The following NUCKS1 variants were observed in gnomAD, a reference collection of about 807,000 sequenced individuals.
The protein encoded by NUCKS1 is nuclear casein kinase and cyclin dependent kinase substrate 1.
NUCKS1 carries 2 observed loss-of-function variants against 33.0 expected under a neutral mutation model. The ratio of observed to expected loss-of-function variants is 0.06; its 90% CI spans 0.02 to 0.19. The LOEUF is 0.19. NUCKS1 is among the 10% of genes least tolerant of loss of function. The probability of loss-of-function intolerance (pLI) is 1.00; values close to 1 mark genes in which losing one functional copy is unlikely to be tolerated. For missense variants in NUCKS1, 201 were observed against 293.6 expected, an observed-to-expected ratio of 0.68 and a Z score of 2.31; for synonymous variants, 106 against 102.8, an observed-to-expected ratio of 1.03 and a Z score of -0.19.
chr1:205,749,319 T>C (rs769170132), intron 1 of NUCKS1, among the ~76,000 whole-genome samples: 1 of 152,144 alleles, frequency 6.6e-6, no homozygotes, highest in Admixed American at 6.5e-5. Context: ...AGTCCCGAAC[T>C]CTCACTTTTG....
chr1:205,746,194 C>G (rs1028171453), intron 1 of NUCKS1, among the ~76,000 whole-genome samples: 1 of 151,932 alleles, frequency 6.6e-6, no homozygotes, highest in African/African-American at 2.4e-5. Flanking sequence ...TACTCTGAGG[C>G]TGAGGCAGGA....
intron 4 of NUCKS1, among the ~76,000 whole-genome samples, chr1:205,721,574 T>C (rs898457291): frequency 1.3e-5 from 2 of 152,200 alleles, no homozygotes; most frequent in African/African-American, 4.8e-5. Context: ...ATAATCTTTA[T>C]TCTAAGACAT....
intron 4 of NUCKS1, among the ~76,000 whole-genome samples, chr1:205,723,428 T>G (rs1362800146): frequency 1.3e-5 from 2 of 152,124 alleles, no homozygotes; most frequent in Non-Finnish European, 2.9e-5. Flanking sequence ...GTTAAAATTT[T>G]TACAAAAAAA....
rs992805513 is a variant in NUCKS1 at position 205,717,687 on chromosome 1, C to G, written c.*593G>C. Reference sequence around the variant, plus strand: ...CTTTTAGTAACAGTTCAGAATTCATCTTTATCTCCTACCTGCCTCATCGGT... The same window carrying G: ...CTTTTAGTAACAGTTCAGAATTCATGTTTATCTCCTACCTGCCTCATCGGT... On this transcript the variant is annotated 3_prime_UTR_variant, in exon 7 of 7. Coordinates refer to ENST00000367142, the MANE Select transcript of NUCKS1 (RefSeq NM_022731.5). 3 of 985,082 alleles carry G rather than the reference C, an allele frequency of 3.0e-6. No individual in the cohort carries two copies. In the African/African-American group the frequency reaches 5.2e-5, roughly 17 times the overall value. The allele number at this position is 985,082 out of a possible 1,614,324, so 61.0% of individuals were successfully genotyped here. A position where few individuals can be genotyped will look rare whatever the true frequency, so the allele number is the denominator to read the frequency against.
intron 2 of NUCKS1, among the ~76,000 whole-genome samples, chr1:205,728,241 A>G (rs1653824036): frequency 6.6e-6 from 1 of 152,190 alleles, no homozygotes; most frequent in Admixed American, 6.5e-5. Context: ...CAATTTCAAA[A>G]GCCCTATAAA....
chr1:205,744,929 G>A (rs982436547), intron 1 of NUCKS1, among the ~76,000 whole-genome samples: 1 of 152,142 alleles, frequency 6.6e-6, no homozygotes, highest in African/African-American at 2.4e-5. Context: ...ACCGCGCCTG[G>A]CCCTCACGAG....
At chr1:205,729,813 G>A (rs1653863755) in intron 1 of NUCKS1, among the ~76,000 whole-genome samples, 192 bp from the exon 2 acceptor site, 1 of 152,076 alleles carries the variant, frequency 6.6e-6, no homozygotes, top group African/African-American at 2.4e-5. Context: ...TCTGAGGTTG[G>A]GAGTTTGAGA....
chr1:205,727,718 T>C lies in NUCKS1; in HGVS notation c.155A>G (p.Lys52Arg). 6.2e-7 allele frequency: 1 copy of C among 1,613,060 alleles called. No homozygotes were observed. The highest frequency in any genetic ancestry group is 8.5e-7 in the Non-Finnish European group (1 of 1,179,140). Residue 52 changes from lysine (K) to arginine (R), a missense_variant, in exon 3 of 7, where the codon AAG becomes AGG. Lys to Arg is a conservative substitution (Grantham distance 26, BLOSUM62 2). Coordinates refer to ENST00000367142, the MANE Select transcript of NUCKS1 (RefSeq NM_022731.5). ...CTCTTACCTATCTTCCTGTGAATTCTTTCCAGATCGCCTCTTATTTTTAGC... is the reference window on the plus strand; with the variant it reads ...CTCTTACCTATCTTCCTGTGAATTCCTTCCAGATCGCCTCTTATTTTTAGC... ...REAKNKRRSG[K>R]NSQEDSEDSE...
At chr1:205,735,054 G>A (rs1011086237) in intron 1 of NUCKS1, among the ~76,000 whole-genome samples, 45 of 152,114 alleles carry the variant, frequency 3.0e-4, no homozygotes, top group Non-Finnish European at 1.6e-4. Flanking sequence ...TGAGATGATA[G>A]GACAGAAATC....
At chr1:205,721,815 C>T (rs1370438323) in intron 4 of NUCKS1, among the ~76,000 whole-genome samples, 2 of 152,008 alleles carry the variant, frequency 1.3e-5, no homozygotes, top group Middle Eastern at 3.4e-3. Flanking sequence ...GCTGGGATTA[C>T]AGGTGCGCAC....
chr1:205,746,289 C>A (rs1314139618), intron 1 of NUCKS1, among the ~76,000 whole-genome samples: 2 of 152,078 alleles, frequency 1.3e-5, no homozygotes, highest in Non-Finnish European at 2.9e-5. Context: ...GAGGGAAATC[C>A]CATCTCAAAT....
chr1:205,741,157 G>A (rs984129413), intron 1 of NUCKS1, among the ~76,000 whole-genome samples: 1 of 150,152 alleles, frequency 6.7e-6, no homozygotes, highest in Non-Finnish European at 1.5e-5. Context: ...AAAATTAGCC[G>A]GGCGTGGTGG....
chr1:205,749,946 T>G lies in NUCKS1; in HGVS notation c.17+11A>C, dbSNP rs779796542. ...CTCCAACCCGCTCCAGGCCTCAGAC[T>G]CCGCACTGACCTGACAGGCCGCGAC... On this transcript the variant is annotated intron_variant, in intron 1 of 6. Coordinates refer to ENST00000367142, the MANE Select transcript of NUCKS1 (RefSeq NM_022731.5). 2.5e-6 allele frequency: 4 copies of G among 1,587,074 alleles called. No individual in the cohort carries two copies. In the Admixed American group the frequency reaches 6.9e-5, roughly 27 times the overall value.
At chr1:205,742,624 A>AC (rs918968457) in intron 1 of NUCKS1, among the ~76,000 whole-genome samples, 20 of 152,288 alleles carry the variant, frequency 1.3e-4, no homozygotes, top group Admixed American at 5.2e-4. Flanking sequence ...GGGGATCGAG[A>AC]CCATCCTGGC....
In NUCKS1 at chr1:205,714,275, A is replaced by T. The variant is rs1229683256; in HGVS notation, c.*4005T>A. ...ACCCCATCAAAAAAGGAACAACAAA[A>T]AAATCCCAATTTTACCCTCCCCCAA... On this transcript the variant is annotated 3_prime_UTR_variant, in exon 7 of 7. Transcript: ENST00000367142. The T allele has an allele frequency of 6.6e-6, 1 of 152,052 alleles. No individual in the cohort carries two copies. The highest frequency in any genetic ancestry group is 1.5e-5 in the Non-Finnish European group (1 of 68,020). 9.4% of individuals were successfully genotyped at this position (152,052 alleles called of 1,614,324 possible). A position where few individuals can be genotyped will look rare whatever the true frequency, so the allele number is the denominator to read the frequency against.
intron 1 of NUCKS1, among the ~76,000 whole-genome samples, chr1:205,746,451 TCTCACACACACA>T (rs971195206): frequency 4.3e-5 from 5 of 116,146 alleles, no homozygotes; most frequent in African/African-American, 1.7e-4. Flanking sequence ...TCTCTCTCTC[TCTCACACACACA>T]CACACACACA....
chr1:205,727,607 G>T, intron 3 of NUCKS1, 93 bp downstream of exon 3: 1 of 844,612 alleles, frequency 1.2e-6, no homozygotes, highest in Non-Finnish European at 2.0e-6. Context: ...CTTTTCAAAA[G>T]TATATGAGAT....
At position 205,718,211 on chromosome 1, in the gene NUCKS1, T is replaced by A. The variant is rs1244245706; in HGVS notation, c.*69A>T. The A allele has an allele frequency of 1.1e-5, 17 of 1,511,582 alleles. No homozygotes were observed. In the East Asian group the frequency reaches 3.7e-4, roughly 33 times the overall value. The allele number at this position is 1,511,582 out of a possible 1,614,324, so 93.6% of individuals were successfully genotyped here. ...TTCTATCTTAAGTAGGTTCTTTTTT[T>A]TCCTCCCTCTTTTTTCTTTTTTTTT... On this transcript the variant is annotated 3_prime_UTR_variant, in exon 7 of 7. Transcript: ENST00000367142.
chr1:205,728,985 T>A (rs767628706), intron 2 of NUCKS1, among the ~76,000 whole-genome samples: 4 of 152,122 alleles, frequency 2.6e-5, no homozygotes, highest in South Asian at 2.1e-4. Flanking sequence ...ATTTTTTTTT[T>A]TGAGACAGGG....
Sources: gnomAD v4.1 joint callset for allele counts (sites outside exome capture counted in the v4.1 genomes callset) on GRCh38, gnomAD v4.1.1 for gene constraint, MANE v1.5 for transcripts, NCBI Gene and HGNC (gene_info 2026-07-23, HGNC 2026-07-21) for gene names.